Variants in SNTG1 observed in about 807,000 individuals in gnomAD.
The protein encoded by SNTG1 is gamma-1-syntrophin.
SNTG1 carries 39 observed loss-of-function variants against 74.7 expected under a neutral mutation model. That is an observed-to-expected ratio of 0.52 (90% confidence interval 0.40 to 0.68). The LOEUF (loss-of-function observed/expected upper bound fraction) is 0.68, where lower values mean the gene tolerates loss of function less well. Among genes scored for constraint, SNTG1 ranks in the 30% least tolerant of loss-of-function variants. The probability of loss-of-function intolerance (pLI) is 0.00; values close to 1 mark genes in which losing one functional copy is unlikely to be tolerated. For missense variants in SNTG1, 685 were observed against 609.5 expected (o/e 1.12, Z -1.30); for synonymous variants, 254 against 217.1 (o/e 1.17, Z -1.49).
At chr8:49,918,704 T>C (rs1258116330) in intron 1 of SNTG1, among the ~76,000 whole-genome samples, 4 of 152,152 alleles carry the variant, frequency 2.6e-5, no homozygotes, top group Non-Finnish European at 5.9e-5. Flanking sequence ...GTTTGATATA[T>C]GGCAATTTTT....
intron 8 of SNTG1, among the ~76,000 whole-genome samples, chr8:50,469,840 G>C (rs894873817): frequency 2.6e-5 from 4 of 152,114 alleles, no homozygotes; most frequent in Non-Finnish European, 5.9e-5. Flanking sequence ...TTAGCCAGGC[G>C]TGGTGGCGTA....
chr8:50,050,954 A>AT (rs761968288), intron 1 of SNTG1, among the ~76,000 whole-genome samples: 54 of 152,090 alleles, frequency 3.6e-4, no homozygotes, highest in Non-Finnish European at 7.5e-4. Flanking sequence ...CCCTTTCATG[A>AT]TAAAAATACC....
intron 13 of SNTG1, among the ~76,000 whole-genome samples, chr8:50,636,213 CTT>C (rs2095038285): frequency 1.3e-5 from 2 of 150,936 alleles, no homozygotes; most frequent in South Asian, 4.2e-4. Context: ...AGAAAGGACT[CTT>C]TTTCAGAGCT....
intron 15 of SNTG1, among the ~76,000 whole-genome samples, chr8:50,688,133 T>A (rs1239110718): frequency 6.6e-6 from 1 of 152,178 alleles, no homozygotes. Flanking sequence ...TTTGTTTGAG[T>A]TCATTGAAGA....
intron 2 of SNTG1, among the ~76,000 whole-genome samples, chr8:50,269,332 A>G (rs1343316142): frequency 2.6e-5 from 4 of 152,196 alleles, no homozygotes; most frequent in Admixed American, 6.5e-5. Flanking sequence ...ATAATATAAT[A>G]TCTAGAATAC....
chr8:50,602,487 T>A (rs933480617), intron 13 of SNTG1, among the ~76,000 whole-genome samples: 2 of 152,186 alleles, frequency 1.3e-5, no homozygotes, highest in Non-Finnish European at 2.9e-5. Context: ...GTAGTTATTA[T>A]TTTTGATTGG....
chr8:50,115,575 A>AAAAAAAAAAAAAAAAAAAAC (rs1563617637), intron 1 of SNTG1, among the ~76,000 whole-genome samples: 1 of 144,776 alleles, frequency 6.9e-6, no homozygotes, highest in South Asian at 2.3e-4. Context: ...CTCAAAAAAA[A>AAAAAAAAAAAAAAAAAAAAC]AAAAAAAAAA....
intron 1 of SNTG1, among the ~76,000 whole-genome samples, chr8:49,950,674 G>A (rs1199962414): frequency 6.6e-6 from 1 of 152,054 alleles, no homozygotes; most frequent in Non-Finnish European, 1.5e-5. Flanking sequence ...AGTGGACTAA[G>A]AAATAAAAGT....
chr8:49,953,940 T>G (rs1344440102), intron 1 of SNTG1, among the ~76,000 whole-genome samples: 1 of 152,242 alleles, frequency 6.6e-6, no homozygotes, highest in Non-Finnish European at 1.5e-5. Context: ...CATGCACTTC[T>G]ATTATATTCA....
At chr8:50,343,029 G>A (rs959577189) in intron 2 of SNTG1, among the ~76,000 whole-genome samples, 3 of 152,048 alleles carry the variant, frequency 2.0e-5, no homozygotes, top group African/African-American at 7.2e-5. Flanking sequence ...AACAAAATTG[G>A]GATCAAAACC....
At chr8:50,024,712 T>C (rs1817112810) in intron 1 of SNTG1, among the ~76,000 whole-genome samples, 1 of 152,162 alleles carries the variant, frequency 6.6e-6, no homozygotes, top group Non-Finnish European at 1.5e-5. Context: ...CAGTATACTA[T>C]AATAAAAGTT....
At position 50,328,797 on chromosome 8, in the gene SNTG1, A is replaced by T. The variant is rs542007352; in HGVS notation, c.-27-65415A>T. Among the ~76,000 whole-genome samples, 9 of 152,310 alleles carry T rather than the reference A, an allele frequency of 5.9e-5. No individual in the cohort carries two copies. The South Asian group carries it at 1.9e-3, about 32-fold the overall frequency. On this transcript the variant is annotated intron_variant, in intron 2 of 18. Transcript: ENST00000642720. ...CTCATGTATTTTCACATTTCAAAACACAATCATACCTTCCCAACAGTCCCA... is the reference window on the plus strand; with the variant it reads ...CTCATGTATTTTCACATTTCAAAACTCAATCATACCTTCCCAACAGTCCCA...
chr8:50,766,276 T>C (rs2095613668), intron 18 of SNTG1, among the ~76,000 whole-genome samples: 1 of 152,062 alleles, frequency 6.6e-6, no homozygotes, highest in Non-Finnish European at 1.5e-5. Context: ...AGACTTTAGA[T>C]AGGTAAGCTA....
intron 2 of SNTG1, among the ~76,000 whole-genome samples, chr8:50,275,594 C>A (rs1031841140): frequency 5.3e-5 from 8 of 152,212 alleles, no homozygotes; most frequent in African/African-American, 1.9e-4. Flanking sequence ...GGTGATTTTT[C>A]TCTATTCTTC....
In SNTG1 at chr8:50,502,814, C is replaced by A; in HGVS notation, c.400C>A (p.Leu134Ile). 3 of 1,613,322 alleles carry A rather than the reference C, an allele frequency of 1.9e-6. No individual in the cohort carries two copies. The highest frequency in any genetic ancestry group is 2.5e-6 in the Non-Finnish European group (3 of 1,179,588). Residue 134 changes from leucine (L) to isoleucine (I), a missense_variant, in exon 9 of 19, where the codon CTA becomes ATA. Coordinates refer to ENST00000642720, the MANE Select transcript of SNTG1 (RefSeq NM_018967.5). ...TCGGAATGCTGGAGAAGAAGTGACT[C>A]TAACAGTGTCATTTTTAAAAAGAGC... The part of the protein sequence containing the change: ...VLRNAGEEVT[L>I]TVSFLKRAPA...
intron 1 of SNTG1, among the ~76,000 whole-genome samples, chr8:50,128,382 T>C (rs2081211988): frequency 6.6e-6 from 1 of 152,134 alleles, no homozygotes; most frequent in African/African-American, 2.4e-5. Context: ...ACAGAGCGTA[T>C]AGAAAGAGCC....
rs141927193 is a variant in SNTG1, at chr8:50,582,564, A to G, written c.811-8315A>G. Among the ~76,000 whole-genome samples the G allele has an allele frequency of 6.6e-5, 10 of 152,118 alleles. No homozygotes were observed. In the East Asian group the frequency reaches 1.9e-3, roughly 29 times the overall value. On this transcript the variant is annotated intron_variant, in intron 12 of 18. Coordinates refer to ENST00000642720, the MANE Select transcript of SNTG1 (RefSeq NM_018967.5). ...TGTGGGTGTGTGTGTGTGTACATGTACTATGCATCTGAAAGTATCATCCTG... is the reference window on the plus strand; with the variant it reads ...TGTGGGTGTGTGTGTGTGTACATGTGCTATGCATCTGAAAGTATCATCCTG...
At chr8:50,537,246 T>A (rs2130411819) in intron 11 of SNTG1, among the ~76,000 whole-genome samples, 1 of 152,200 alleles carries the variant, frequency 6.6e-6, no homozygotes, top group Admixed American at 6.6e-5. Flanking sequence ...CACTTCAGCC[T>A]CCCGAGTAGC....
chr8:50,778,412 G>A (rs1347337086), intron 18 of SNTG1, among the ~76,000 whole-genome samples: 3 of 151,884 alleles, frequency 2.0e-5, no homozygotes, highest in African/African-American at 2.4e-5. Flanking sequence ...GTGTGAGATG[G>A]TATCTCATTG....
Sources: allele counts gnomAD v4.1 joint callset (sites outside exome capture counted in the v4.1 genomes callset), GRCh38; gene constraint gnomAD v4.1.1; transcripts MANE v1.5; gene names NCBI Gene and HGNC (gene_info 2026-07-23, HGNC 2026-07-21).